BTBD9: variants seen among roughly 807,000 people sequenced by gnomAD.
BTBD9 encodes BTB/POZ domain-containing protein 9.
Under a neutral mutation model 64.3 loss-of-function variants are expected in BTBD9, and 49 were observed. That is an observed-to-expected ratio of 0.76 (90% CI 0.61 to 0.97). BTBD9 has a LOEUF of 0.97. Ranked by LOEUF, BTBD9 falls within the 50% of genes least tolerant of loss-of-function variation. The pLI is 0.00. For synonymous variants in BTBD9, 260 were observed against 274.7 expected (o/e 0.95, Z 0.53); for missense variants, 598 against 762.1 (o/e 0.78, Z 2.53).
At chr6:38,265,153 G>A (rs1387184880) in intron 8 of BTBD9, among the ~76,000 whole-genome samples, 1 of 151,874 alleles carries the variant, frequency 6.6e-6, no homozygotes, top group Non-Finnish European at 1.5e-5. Context: ...AGAAGCTCTC[G>A]GGTGTGTGGC....
At chr6:38,621,467 G>T (rs900122350) in intron 1 of BTBD9, among the ~76,000 whole-genome samples, 1 of 152,168 alleles carries the variant, frequency 6.6e-6, no homozygotes, top group African/African-American at 2.4e-5. Flanking sequence ...GTGGAGAATG[G>T]GATGCGAAGG....
At chr6:38,612,624 G>T (rs1443492225) in intron 1 of BTBD9, among the ~76,000 whole-genome samples, 1 of 152,120 alleles carries the variant, frequency 6.6e-6, no homozygotes, top group Non-Finnish European at 1.5e-5. Context: ...AAGGAATGGG[G>T]TATTATGGAA....
At chr6:38,598,154 G>C in intron 1 of BTBD9, 33 bp from the exon 2 acceptor site, 1 of 1,510,410 alleles carries the variant, frequency 6.6e-7, no homozygotes, top group Non-Finnish European at 9.1e-7. Flanking sequence ...GAGTTAGTTG[G>C]GGGAGGGGAG....
chr6:38,205,807 C>T (rs1013606972), intron 9 of BTBD9, among the ~76,000 whole-genome samples: 3 of 141,574 alleles, frequency 2.1e-5, no homozygotes, highest in Admixed American at 1.5e-4. Flanking sequence ...TTGCTTGAAC[C>T]TAAGAGGCGG....
chr6:38,251,232 AGTAAAGTT>A (rs1181028484), intron 9 of BTBD9, among the ~76,000 whole-genome samples: 2 of 151,802 alleles, frequency 1.3e-5, no homozygotes, highest in Non-Finnish European at 2.9e-5. Context: ...TCAAGGAGTT[AGTAAAGTT>A]GTTAAGTTAA....
intron 6 of BTBD9, among the ~76,000 whole-genome samples, chr6:38,511,895 G>T (rs1397354470): frequency 6.6e-6 from 1 of 152,154 alleles, no homozygotes; most frequent in Admixed American, 6.5e-5. Context: ...AAAGGGAAAT[G>T]AAATGGTCTA....
At chr6:38,337,711 G>A (rs1257691717) in intron 7 of BTBD9, among the ~76,000 whole-genome samples, 1 of 152,190 alleles carries the variant, frequency 6.6e-6, no homozygotes, top group Non-Finnish European at 1.5e-5. Context: ...CTGTTGGAAG[G>A]AGCCCCCTTT....
intron 6 of BTBD9, among the ~76,000 whole-genome samples, chr6:38,349,533 T>C (rs1043963278): frequency 2.6e-5 from 4 of 152,146 alleles, no homozygotes; most frequent in African/African-American, 7.2e-5. Flanking sequence ...ATTGTTATAA[T>C]TGTTCTATTT....
chr6:38,376,260 C>T (rs1290549088), intron 6 of BTBD9, among the ~76,000 whole-genome samples: 1 of 152,154 alleles, frequency 6.6e-6, no homozygotes, highest in Admixed American at 6.5e-5. Context: ...GAGTTCAACA[C>T]AGACAAGTGG....
rs559896809 is a variant in BTBD9, at chr6:38,440,439, G to GACT, written c.1155-95349_1155-95347dup. On this transcript the variant is annotated intron_variant, in intron 6 of 10. Transcript: ENST00000481247. ...TGAAGCAAGACAAGGACTCGGAAGA[G>GACT]ACTACTGGGCTCAGCACTGTGGTAA... 4.3e-3 allele frequency among the ~76,000 whole-genome samples: 653 copies of GACT among 152,300 alleles called. 3 individuals are homozygous for GACT. The highest frequency in any genetic ancestry group is 0.014 in the African/African-American group (601 of 41,556).
At chr6:38,319,372 A>G (rs1272236833) in intron 7 of BTBD9, among the ~76,000 whole-genome samples, 1 of 151,928 alleles carries the variant, frequency 6.6e-6, no homozygotes, top group East Asian at 1.9e-4. Context: ...CCTCATATCC[A>G]CCACAGCTGC....
In BTBD9 at chr6:38,271,849, G is replaced by A. The variant is rs560743565; in HGVS notation, c.1455-15333C>T. ...TTTAATGCAGCAAATTCTACATGGA[G>A]CTTTTAGATTGTGCTGTAGTCACAA... On this transcript the variant is annotated intron_variant, in intron 8 of 10. Transcript: ENST00000481247. Among the ~76,000 whole-genome samples, 3 of 152,074 alleles carry A rather than the reference G, an allele frequency of 2.0e-5. No homozygotes were observed. The East Asian group carries it at 5.8e-4, about 29-fold the overall frequency.
rs140373285 is a variant in BTBD9, at chr6:38,556,506, AGTGT to A, written c.1154+21090_1154+21093del. ...TATGGATATTATCTTTGTCCTATAA[AGTGT>A]GTGTGTGTGTGTGTGTGTGTGTGTG... On this transcript the variant is annotated intron_variant, in intron 6 of 10. Transcript: ENST00000481247. Among the ~76,000 whole-genome samples, 266 of 137,846 alleles carry A rather than the reference AGTGT, an allele frequency of 1.9e-3. 1 individual carries two copies. Among genetic ancestry groups the A allele is most frequent in the Middle Eastern group, 3.6e-3 (1 of 274 alleles). The allele number at this position is 137,846 out of a possible 152,430, so 90.4% of individuals were successfully genotyped here.
rs973838681 is a variant in BTBD9 at position 38,627,120 on chromosome 6, C to G, written c.-28+12680G>C. ...CACTTTAAAGCAGCAAATGAACTAT[C>G]TGAGAGAACTTCACCAACCCACCAA... On this transcript the variant is annotated intron_variant, in intron 1 of 10. Transcript: ENST00000481247. Among the ~76,000 whole-genome samples the G allele has an allele frequency of 2.0e-5, 3 of 152,308 alleles. No individual in the cohort carries two copies. The East Asian group carries it at 5.8e-4, about 29-fold the overall frequency.
intron 6 of BTBD9, among the ~76,000 whole-genome samples, chr6:38,395,706 G>GT (rs112512335): frequency 0.018 from 2,629 of 144,792 alleles, 38 homozygotes; most frequent in African/African-American, 0.041. Flanking sequence ...AATGTTTACT[G>GT]TTTTTTTTTT....
intron 4 of BTBD9, chr6:38,588,097 T>A: frequency 1.4e-6 from 1 of 734,616 alleles, no homozygotes; most frequent in Admixed American, 1.8e-5. Flanking sequence ...CTAGCTATGG[T>A]GCACCGTGTC....
At chr6:38,631,218 CACT>C (rs1181728029) in intron 1 of BTBD9, among the ~76,000 whole-genome samples, 1 of 152,132 alleles carries the variant, frequency 6.6e-6, no homozygotes, top group Non-Finnish European at 1.5e-5. Context: ...ATTTAAAAAC[CACT>C]ACCTTTTCTT....
intron 7 of BTBD9, among the ~76,000 whole-genome samples, chr6:38,333,646 T>G (rs183647385): frequency 6.6e-6 from 1 of 152,356 alleles, no homozygotes; most frequent in East Asian, 1.9e-4. Flanking sequence ...AATAAGTGCC[T>G]GTTTTCCCTT....
chr6:38,485,736 C>T (rs1165515394), intron 6 of BTBD9, among the ~76,000 whole-genome samples: 1 of 152,138 alleles, frequency 6.6e-6, no homozygotes, highest in Non-Finnish European at 1.5e-5. Context: ...TCTTAGGGCC[C>T]TAGGATTTTC....
Sources: gnomAD v4.1 joint callset for allele counts (sites outside exome capture counted in the v4.1 genomes callset) on GRCh38, gnomAD v4.1.1 for gene constraint, MANE v1.5 for transcripts, NCBI Gene and HGNC (gene_info 2026-07-23, HGNC 2026-07-21) for gene names.